The following OSBPL5 variants were observed in gnomAD, a reference collection of about 807,000 sequenced individuals.
The protein encoded by OSBPL5 is oxysterol-binding protein-related protein 5.
In OSBPL5, 71 loss-of-function variants were observed where a neutral mutation model predicts 111.2. The ratio of observed to expected loss-of-function variants is 0.64; its 90% CI spans 0.53 to 0.78. OSBPL5 has a LOEUF of 0.78. OSBPL5 is among the 30% of genes least tolerant of loss of function. OSBPL5 has a pLI of 0.00. For synonymous variants in OSBPL5, 549 were observed against 513.9 expected (o/e 1.07, Z -0.93); for missense variants, 1,210 against 1,189.3 (o/e 1.02, Z -0.26).
In OSBPL5 at chr11:3,110,143, C is replaced by T. The variant is rs531233345; in HGVS notation, c.692-2198G>A. On this transcript the variant is annotated intron_variant, in intron 7 of 21. Coordinates refer to ENST00000263650, the MANE Select transcript of OSBPL5 (RefSeq NM_020896.4). The surrounding 1 kb of genome is among the most constrained non-coding windows in gnomAD (Gnocchi z 5.3). Reference sequence around the variant, plus strand: ...CTGACCACCAGGGGTGATGTGGCACCGAGACTCCAACCTGAGAGGCACCGG... The same window carrying T: ...CTGACCACCAGGGGTGATGTGGCACTGAGACTCCAACCTGAGAGGCACCGG... 2.0e-5 allele frequency among the ~76,000 whole-genome samples: 3 copies of T among 152,298 alleles called. No individual in the cohort carries two copies. The highest frequency in any genetic ancestry group is 1.9e-4 in the East Asian group (1 of 5,172).
rs1212771050 is a variant in OSBPL5, at chr11:3,105,059, G to A, written c.1060-682C>T. ...CCACAGCTCCAGAATACATGACTTG[G>A]GGTGGCGGGGCTCCCCTTACTCACT... On this transcript the variant is annotated intron_variant, in intron 9 of 21. Transcript: ENST00000263650. This position sits in a 1 kb window ranked among gnomAD's most constrained non-coding sequence, Gnocchi z 5.2. 1.3e-5 allele frequency among the ~76,000 whole-genome samples: 2 copies of A among 152,056 alleles called. No individual in the cohort carries two copies. Among genetic ancestry groups the A allele is most frequent in the African/African-American group, 4.8e-5 (2 of 41,398 alleles).
Position 3,130,375 on chromosome 11 carries a change from C to G in OSBPL5, c.-21-1206G>C, listed in dbSNP as rs985668617. ...CATCCTGCCAAGCCCGGGACAAAGGCCTCGATTTCTCCCATGGTCCTGGGC... is the reference window on the plus strand; with the variant it reads ...CATCCTGCCAAGCCCGGGACAAAGGGCTCGATTTCTCCCATGGTCCTGGGC... On this transcript the variant is annotated intron_variant, in intron 1 of 21. Transcript: ENST00000263650. The surrounding 1 kb of genome is among the most constrained non-coding windows in gnomAD (Gnocchi z 4.5). 6.6e-6 allele frequency among the ~76,000 whole-genome samples: 1 copy of G among 152,212 alleles called. No individual in the cohort carries two copies. The highest frequency in any genetic ancestry group is 2.4e-5 in the African/African-American group (1 of 41,458).
At position 3,107,792 on chromosome 11, in the gene OSBPL5, T is replaced by C. The variant is rs898876993; in HGVS notation, c.845A>G (p.His282Arg). The C allele has an allele frequency of 1.5e-5, 24 of 1,612,324 alleles. No homozygotes were observed. Among genetic ancestry groups the C allele is most frequent in the East Asian group, 4.5e-5 (2 of 44,866 alleles). Reference sequence around the variant, plus strand: ...TCACGGGAACAGGTCTTGGTCTGGGTGGACGGTGGCTGAGGCTGGCAGCCC... The same window carrying C: ...TCACGGGAACAGGTCTTGGTCTGGGCGGACGGTGGCTGAGGCTGGCAGCCC... ...LCGLPASATV[H>R]PDQDLFPLNG... is the part of the protein sequence containing the mutation. The change falls in exon 8 of 22, where the codon CAC becomes CGC. Residue 282 changes from histidine to arginine, a missense_variant. Transcript: ENST00000263650. The surrounding 1 kb of genome is among the most constrained non-coding windows in gnomAD (Gnocchi z 6.1).
chr11:3,102,125 CAGAGCCCCGCCCCAT>C, intron 12 of OSBPL5, 43 bp downstream of exon 12: 13 of 1,521,336 alleles, frequency 8.5e-6, no homozygotes, highest in Non-Finnish European at 9.8e-6. Flanking sequence ...CCCGCCCCCA[CAGAGCCCCGCCCCAT>C]AGAGCCCAGC....
rs116484567 is a variant in OSBPL5 at position 3,107,644 on chromosome 11, C to T, written c.866+127G>A. The T allele has an allele frequency of 3.7e-5, 52 of 1,401,324 alleles. No homozygotes were observed. The Middle Eastern group carries it at 1.3e-3, about 36-fold the overall frequency. The allele number at this position is 1,401,324 out of a possible 1,614,324, so 86.8% of individuals were successfully genotyped here. ...CCGAGGCTCCCAGGGCACACTGCAG[C>T]GAACAAGTCCCTGCGTGCAGCCTGC... On this transcript the variant is annotated intron_variant, in intron 8 of 21. Coordinates refer to ENST00000263650, the MANE Select transcript of OSBPL5 (RefSeq NM_020896.4). The surrounding 1 kb of genome is among the most constrained non-coding windows in gnomAD (Gnocchi z 6.1).
At chr11:3,112,338 A>C (rs1209596244) in intron 7 of OSBPL5, among the ~76,000 whole-genome samples, 1 of 152,236 alleles carries the variant, frequency 6.6e-6, no homozygotes, top group African/African-American at 2.4e-5. Context: ...TCCTTAAAGA[A>C]AATGGAGAGG....
intron 7 of OSBPL5, 52 bp downstream of exon 7, chr11:3,119,495 G>T: frequency 6.6e-7 from 1 of 1,508,370 alleles, no homozygotes; most frequent in Non-Finnish European, 8.9e-7. Flanking sequence ...TCAAAAGGGG[G>T]CCCACTTCAG....
At chr11:3,157,219 G>C (rs766427455) in intron 1 of OSBPL5, among the ~76,000 whole-genome samples, 27 of 152,224 alleles carry the variant, frequency 1.8e-4, no homozygotes, top group Non-Finnish European at 3.5e-4. Flanking sequence ...GGTGCTTCCC[G>C]AGCACGTGGG....
At position 3,159,964 on chromosome 11, in the gene OSBPL5, C is replaced by T. The variant is rs183530698; in HGVS notation, c.-22+5252G>A. 2.7e-3 allele frequency among the ~76,000 whole-genome samples: 416 copies of T among 152,270 alleles called. 1 individual carries two copies. The highest frequency in any genetic ancestry group is 0.017 in the Middle Eastern group (5 of 294). Reference sequence around the variant, plus strand: ...TGAAGAATTCCGGCTGCGTCTTCCTCGGCTAGGCCTTCTGATCAGATCCGA... The same window carrying T: ...TGAAGAATTCCGGCTGCGTCTTCCTTGGCTAGGCCTTCTGATCAGATCCGA... On this transcript the variant is annotated intron_variant, in intron 1 of 21. Transcript: ENST00000263650.
intron 1 of OSBPL5, among the ~76,000 whole-genome samples, chr11:3,163,031 C>T (rs1847012259): frequency 6.6e-6 from 1 of 152,150 alleles, no homozygotes. Flanking sequence ...CCGACAGCTC[C>T]CTTCCTGTCA....
rs1448299656 is a variant in OSBPL5 at position 3,113,712 on chromosome 11, G to A, written c.692-5767C>T. Reference sequence around the variant, plus strand: ...AATAGCTACATCTTAAATTTAGTAAGATTACCATAACTTCTAATCTGGTGG... The same window carrying A: ...AATAGCTACATCTTAAATTTAGTAAAATTACCATAACTTCTAATCTGGTGG... On this transcript the variant is annotated intron_variant, in intron 7 of 21. Coordinates refer to ENST00000263650, the MANE Select transcript of OSBPL5 (RefSeq NM_020896.4). This position sits in a 1 kb window ranked among gnomAD's most constrained non-coding sequence, Gnocchi z 4.8. Among the ~76,000 whole-genome samples the A allele has an allele frequency of 1.3e-5, 2 of 152,116 alleles. No homozygotes were observed. Among genetic ancestry groups the A allele is most frequent in the Non-Finnish European group, 2.9e-5 (2 of 68,032 alleles).
rs188397085 is a variant in OSBPL5, at chr11:3,127,612, T to G, written c.137-1057A>C. Reference sequence around the variant, plus strand: ...AGAGTGCTACGCCCCTGACCCGGAGTGCTGGGGGGAGGCTAGCAGGAGCGC... The same window carrying G: ...AGAGTGCTACGCCCCTGACCCGGAGGGCTGGGGGGAGGCTAGCAGGAGCGC... On this transcript the variant is annotated intron_variant, in intron 2 of 21. Transcript: ENST00000263650. Among the ~76,000 whole-genome samples, 120 of 147,642 alleles carry G rather than the reference T, an allele frequency of 8.1e-4. No individual in the cohort carries two copies. In the East Asian group the frequency reaches 0.021, roughly 26 times the overall value.
intron 19 of OSBPL5, among the ~76,000 whole-genome samples, chr11:3,091,876 C>G (rs111532548): frequency 6.6e-6 from 1 of 152,160 alleles, no homozygotes; most frequent in African/African-American, 2.4e-5. Flanking sequence ...GCGCTCTGCA[C>G]CCTCTGCACG....
chr11:3,094,865 G>A (rs4758520), intron 14 of OSBPL5: 123,406 of 152,136 alleles, frequency 0.81, 50,168 homozygotes, highest in South Asian at 0.86. Flanking sequence ...AAATTAATAC[G>A]TCTTTCTTTG....
intron 7 of OSBPL5, among the ~76,000 whole-genome samples, chr11:3,112,112 CAT>C (rs1858013128): frequency 6.8e-6 from 1 of 147,912 alleles, no homozygotes; most frequent in Non-Finnish European, 1.5e-5. Context: ...TGTGTGTGTG[CAT>C]GTGTGTGTGT....
intron 3 of OSBPL5, among the ~76,000 whole-genome samples, chr11:3,124,698 C>T (rs555442902): frequency 1.6e-4 from 25 of 152,290 alleles, no homozygotes; most frequent in African/African-American, 5.3e-4. Flanking sequence ...GCAGCCGTTT[C>T]TGTGGTGAAC....
intron 1 of OSBPL5, among the ~76,000 whole-genome samples, chr11:3,149,277 A>C (rs1340867193): frequency 6.6e-6 from 1 of 152,196 alleles, no homozygotes; most frequent in African/African-American, 2.4e-5. Flanking sequence ...CAGGCCCCCC[A>C]GAGCTGTCTT....
rs537230023 is a variant in OSBPL5 at position 3,143,569 on chromosome 11, C to T, written c.-21-14400G>A. Among the ~76,000 whole-genome samples the T allele has an allele frequency of 1.8e-4, 28 of 152,338 alleles. 1 individual carries two copies. In the East Asian group the frequency reaches 2.9e-3, roughly 16 times the overall value. On this transcript the variant is annotated intron_variant, in intron 1 of 21. Transcript: ENST00000263650. ...CACACATGCGACGACACGGATGAGC[C>T]GCAGAGATGCACCAAGTCAAAGAAG...
intron 3 of OSBPL5, 102 bp from the exon 4 acceptor site, chr11:3,122,530 G>A: frequency 1.9e-6 from 2 of 1,046,908 alleles, no homozygotes; most frequent in Non-Finnish European, 2.8e-6. Context: ...AGAAGTCAGA[G>A]AAGGGCGCTC....
Sources: gnomAD v4.1 joint callset for allele counts (sites outside exome capture counted in the v4.1 genomes callset) on GRCh38, gnomAD v4.1.1 for gene constraint, Gnocchi (gnomAD v3.1) non-coding constraint, MANE v1.5 for transcripts, NCBI Gene and HGNC (gene_info 2026-07-23, HGNC 2026-07-21) for gene names.